GFM2: variants seen among roughly 807,000 people sequenced by gnomAD.
GFM2 encodes the protein GTP dependent ribosome recycling factor mitochondrial 2.
In GFM2, 72 loss-of-function variants were observed where a neutral mutation model predicts 95.4. The ratio of observed to expected loss-of-function variants is 0.76; its 90% CI spans 0.62 to 0.92. GFM2 has a LOEUF of 0.92. Among genes scored for constraint, GFM2 ranks in the 40% least tolerant of loss-of-function variants. GFM2 has a pLI of 0.00. For synonymous variants in GFM2, 276 were observed against 317.5 expected (o/e 0.87, Z 1.39); for missense variants, 825 against 924.1 (o/e 0.89, Z 1.39).
intron 11 of GFM2, 125 bp downstream of exon 11, chr5:74,741,404 T>C: frequency 1.6e-6 from 1 of 607,906 alleles, no homozygotes; most frequent in Middle Eastern, 2.7e-4. Context: ...CTCCTAACTT[T>C]AAACTTACCA....
intron 16 of GFM2, 127 bp downstream of exon 16, chr5:74,732,895 T>A: frequency 2.1e-6 from 1 of 481,052 alleles, no homozygotes; most frequent in South Asian, 4.5e-5. Context: ...AAAAGAAAGG[T>A]TTTTCTTTCA....
chr5:74,725,889 G>C (rs1750123645), intron 18 of GFM2, 52 bp downstream of exon 18: 2 of 1,518,660 alleles, frequency 1.3e-6, no homozygotes, highest in African/African-American at 2.8e-5. Context: ...TATAAGGAGT[G>C]ATTAAATGGT....
Position 74,738,534 on chromosome 5 carries a change from C to G in GFM2, c.1188G>C (p.Gln396His), listed in dbSNP as rs147925896. 9.9e-6 allele frequency: 16 copies of G among 1,613,430 alleles called. No homozygotes were observed. The South Asian group carries it at 1.8e-4, about 18-fold the overall frequency. ...MRIYSGTIKP[Q>H]LAIHNINGNC... ...TTCCATTAATATTATGAATGGCCAACTGGGGTTTTATAGTGCCTGAGTAAA... is the reference window on the plus strand; with the variant it reads ...TTCCATTAATATTATGAATGGCCAAGTGGGGTTTTATAGTGCCTGAGTAAA... The change falls in exon 13 of 21, where the codon CAG (glutamine) becomes CAC (histidine). Residue 396 changes from glutamine to histidine, a missense_variant. Gln to His is a conservative substitution (Grantham distance 24). Coordinates refer to ENST00000296805, the MANE Select transcript of GFM2 (RefSeq NM_032380.5).
intron 17 of GFM2, among the ~76,000 whole-genome samples, chr5:74,728,548 G>A (rs1435246353): frequency 6.6e-6 from 1 of 151,676 alleles, no homozygotes; most frequent in African/African-American, 2.4e-5. Context: ...GTTGTTCAAG[G>A]GTCAACTGTA....
Position 74,765,017 on chromosome 5 carries a change from C to G in GFM2, c.-24-1251G>C, listed in dbSNP as rs140543122. On this transcript the variant is annotated intron_variant, in intron 1 of 20. Coordinates refer to ENST00000296805, the MANE Select transcript of GFM2 (RefSeq NM_032380.5). ...GCCAGACTGGTCGTGAACTCCTGAC[C>G]TCAAGTGATCTACCCACCTCGGCCT... The G allele has an allele frequency of 5.5e-4, 302 of 549,058 alleles. 3 individuals carry two copies. The East Asian group carries it at 0.021, about 37-fold the overall frequency. The allele number at this position is 549,058 out of a possible 1,614,324, so 34.0% of individuals were successfully genotyped here.
At position 74,763,690 on chromosome 5, in the gene GFM2, A is replaced by C. The variant is rs1744398090; in HGVS notation, c.53T>G (p.Val18Gly). 1 of 1,580,574 alleles carries C rather than the reference A, an allele frequency of 6.3e-7. No homozygotes were observed. Among genetic ancestry groups the C allele is most frequent in the Non-Finnish European group, 8.7e-7 (1 of 1,150,278 alleles). ...ATAAGAAATGCTTACATTAATATAC[A>C]CACTGGGTATTGTCTGATGACTCAT... ...FAMSHQTIPSVYINNICCYKI... is the reference protein window; with the variant it reads ...FAMSHQTIPSGYINNICCYKI... Residue 18 changes from valine (V) to glycine (G), a missense_variant, in exon 2 of 21, where the codon GTG (valine) becomes GGG (glycine). Transcript: ENST00000296805.
chr5:74,732,258 T>A (rs541920486), intron 16 of GFM2, among the ~76,000 whole-genome samples: 1 of 151,022 alleles, frequency 6.6e-6, no homozygotes, highest in Admixed American at 6.6e-5. Context: ...AAATAATAGG[T>A]TTTTTAAAAT....
intron 16 of GFM2, among the ~76,000 whole-genome samples, chr5:74,731,097 G>A (rs1382088648): frequency 1.3e-5 from 2 of 152,198 alleles, no homozygotes; most frequent in Admixed American, 6.5e-5. Flanking sequence ...ACAGGCGTGA[G>A]CCACCGCACC....
At chr5:74,749,916 ATAACT>A (rs773493614) in intron 7 of GFM2, among the ~76,000 whole-genome samples, 2 of 152,228 alleles carry the variant, frequency 1.3e-5, no homozygotes, top group African/African-American at 2.4e-5. Context: ...CTATGTATAC[ATAACT>A]TAACACTGTG....
Position 74,745,678 on chromosome 5 carries a change from T to C in GFM2, c.849A>G (p.Gln283=). 6.2e-7 allele frequency: 1 copy of C among 1,607,030 alleles called. No homozygotes were observed. Among genetic ancestry groups the C allele is most frequent in the Non-Finnish European group, 8.5e-7 (1 of 1,176,012 alleles). ...CATTTTATCATTCATTATACTTTAC[T>C]TGTTCAATTAAGGCATTCCTTGCTT... ...TTEARNALIE[Q]VADLDDEFAD... The change falls in exon 10 of 21, where the codon CAA becomes CAG. Residue 283 remains glutamine (Q), a splice_region_variant and synonymous_variant. Transcript: ENST00000296805.
chr5:74,750,765 A>G (rs1245545860), intron 6 of GFM2, 98 bp from the exon 7 acceptor site: 7 of 792,240 alleles, frequency 8.8e-6, no homozygotes, highest in Non-Finnish European at 4.2e-6. Flanking sequence ...GTGTGTGTGT[A>G]TATATATGTG....
chr5:74,759,397 GA>G lies in GFM2; in HGVS notation c.177del (p.His60IlefsTer8). On this transcript the variant is annotated frameshift_variant, in exon 4 of 21. Transcript: ENST00000296805. LOFTEE classifies it high-confidence loss of function. ...GCTATGGGAGGATTGATGATGGAATGAAGGGATTTGATATCATTTCCTATTA... is the reference window on the plus strand; with the variant it reads ...GCTATGGGAGGATTGATGATGGAATGAGGGATTTGATATCATTTCCTATTA... The part of the protein sequence containing the change: ...PGLIGNDIKS[L>X]HSIINPPIAK... The G allele has an allele frequency of 6.5e-7, 1 of 1,535,170 alleles. No individual in the cohort carries two copies. The highest frequency in any genetic ancestry group is 9.0e-7 in the Non-Finnish European group (1 of 1,112,814).
At chr5:74,760,634 A>C (rs1218392519) in intron 3 of GFM2, among the ~76,000 whole-genome samples, 2 of 152,206 alleles carry the variant, frequency 1.3e-5, no homozygotes, top group Non-Finnish European at 2.9e-5. Flanking sequence ...AATTACACTC[A>C]CATGTTAAAC....
Position 74,745,757 on chromosome 5 carries a change from T to G in GFM2, c.770A>C (p.Glu257Ala). ...ATTCATTTCCAAGAGGGGCTTTCTC[T>G]CAAAGTCTTTTCCATCATTTGAATT... ...NCNSNDGKDF[E>A]RKPLLEMNDP... Residue 257 changes from glutamate (E) to alanine (A), a missense_variant, in exon 10 of 21, where the codon GAG becomes GCG. Transcript: ENST00000296805. 1.2e-6 allele frequency: 2 copies of G among 1,613,908 alleles called. No homozygotes were observed. Among genetic ancestry groups the G allele is most frequent in the South Asian group, 2.2e-5 (2 of 91,074 alleles).
chr5:74,738,226 G>A, intron 14 of GFM2, 92 bp downstream of exon 14: 1 of 895,766 alleles, frequency 1.1e-6, no homozygotes, highest in Non-Finnish European at 1.8e-6. Flanking sequence ...ATGGACATTT[G>A]GATTGTTTAT....
intron 17 of GFM2, among the ~76,000 whole-genome samples, chr5:74,726,631 G>A (rs1264240800): frequency 6.6e-6 from 1 of 152,052 alleles, no homozygotes; most frequent in Non-Finnish European, 1.5e-5. Context: ...CCAGTAAAGT[G>A]TTTTTGGTAA....
chr5:74,749,769 T>C (rs1351997705), intron 7 of GFM2, among the ~76,000 whole-genome samples: 2 of 152,218 alleles, frequency 1.3e-5, no homozygotes, highest in African/African-American at 4.8e-5. Flanking sequence ...TGTTTTTAAT[T>C]TTTTTGTTTT....
intron 12 of GFM2, among the ~76,000 whole-genome samples, chr5:74,739,485 T>C (rs540498633): frequency 2.0e-5 from 3 of 152,266 alleles, no homozygotes; most frequent in South Asian, 4.1e-4. Context: ...TTTAGAGATA[T>C]GAAAAGTTAT....
intron 11 of GFM2, 70 bp from the exon 12 acceptor site, chr5:74,740,207 G>T (rs1743046452): frequency 1.5e-6 from 2 of 1,354,610 alleles, no homozygotes; most frequent in Admixed American, 2.5e-5. Flanking sequence ...AAAATTAGAG[G>T]TTTTCTCTAA....
Sources: allele counts gnomAD v4.1 joint callset (sites outside exome capture counted in the v4.1 genomes callset), GRCh38; gene constraint gnomAD v4.1.1; transcripts MANE v1.5; gene names NCBI Gene and HGNC (gene_info 2026-07-23, HGNC 2026-07-21).